FSTL4: variants seen among roughly 807,000 people sequenced by gnomAD.
FSTL4 encodes the protein follistatin-related protein 4.
Under a neutral mutation model 78.2 loss-of-function variants are expected in FSTL4, and 28 were observed. That is an observed-to-expected ratio of 0.36 (90% CI 0.27 to 0.49). The LOEUF (loss-of-function observed/expected upper bound fraction) is 0.49, where lower values mean the gene tolerates loss of function less well. FSTL4 is among the 20% of genes least tolerant of loss of function. The pLI is 0.98. For missense variants in FSTL4, 922 were observed against 1,084.9 expected (o/e 0.85, Z 2.11); for synonymous variants, 422 against 440.5 (o/e 0.96, Z 0.53).
chr5:133,604,419 T>C (rs571266842), intron 1 of FSTL4, among the ~76,000 whole-genome samples: 3 of 152,214 alleles, frequency 2.0e-5, no homozygotes, highest in African/African-American at 7.2e-5. Context: ...CGAGAAACTA[T>C]GATTATGGCT....
chr5:133,485,369 G>A (rs575393894), intron 3 of FSTL4, among the ~76,000 whole-genome samples: 46 of 152,190 alleles, frequency 3.0e-4, no homozygotes, highest in Non-Finnish European at 3.1e-4. Flanking sequence ...AGGTAATGGC[G>A]CAGCTTCCCA....
chr5:133,334,427 A>C (rs1375165141), intron 4 of FSTL4, among the ~76,000 whole-genome samples: 1 of 152,102 alleles, frequency 6.6e-6, no homozygotes, highest in Non-Finnish European at 1.5e-5. Context: ...CTCCTCTTTC[A>C]AAAGGCCACC....
At chr5:133,555,589 G>A (rs1759769553) in intron 3 of FSTL4, among the ~76,000 whole-genome samples, 1 of 152,116 alleles carries the variant, frequency 6.6e-6, no homozygotes, top group Non-Finnish European at 1.5e-5. Flanking sequence ...TTGAATGTAA[G>A]GTATTATTTT....
intron 3 of FSTL4, among the ~76,000 whole-genome samples, chr5:133,406,608 C>T (rs1465472911): frequency 6.6e-6 from 1 of 152,172 alleles, no homozygotes; most frequent in Non-Finnish European, 1.5e-5. Context: ...CCTGTAACGC[C>T]TCATTTATAT....
At chr5:133,303,262 T>C (rs2126879818) in intron 6 of FSTL4, among the ~76,000 whole-genome samples, 1 of 152,286 alleles carries the variant, frequency 6.6e-6, no homozygotes, top group South Asian at 2.1e-4. Context: ...CTCCTTAGCC[T>C]TTGGGGCTAA....
At chr5:133,755,112 A>G in the FSTL4 span, among the ~76,000 whole-genome samples, 2 of 151,650 alleles carry the variant, frequency 1.3e-5, no homozygotes, top group South Asian at 2.1e-4. Context: ...TTCGTTGCCA[A>G]CTCCATGGAA....
chr5:133,784,455 C>G, the FSTL4 span, among the ~76,000 whole-genome samples: 4 of 152,200 alleles, frequency 2.6e-5, no homozygotes, highest in Non-Finnish European at 5.9e-5. Flanking sequence ...TTGAAGAGTA[C>G]TGGTCAGAGA....
chr5:133,251,808 G>A (rs577944820), intron 6 of FSTL4, among the ~76,000 whole-genome samples: 44 of 152,352 alleles, frequency 2.9e-4, no homozygotes, highest in Middle Eastern at 3.4e-3. Context: ...TGGGCTGCCA[G>A]ACCAAGGTCC....
rs141613204 is a variant in FSTL4, at chr5:133,456,899, T to C, written c.161-55913A>G. ...AGGATGCCCCAGGAAACCTGTCTGC[T>C]TCCTACCTCTGGTCCATTTGTGCCC... On this transcript the variant is annotated intron_variant, in intron 3 of 15. Coordinates refer to ENST00000265342, the MANE Select transcript of FSTL4 (RefSeq NM_015082.2). Among the ~76,000 whole-genome samples the C allele has an allele frequency of 2.3e-3, 349 of 152,268 alleles. 2 individuals are homozygous for C. Among genetic ancestry groups the C allele is most frequent in the African/African-American group, 8.0e-3 (332 of 41,552 alleles).
the FSTL4 span, among the ~76,000 whole-genome samples, chr5:133,728,791 A>C: frequency 2.5e-3 from 376 of 151,828 alleles, no homozygotes; most frequent in Non-Finnish European, 4.4e-3. Context: ...ATTGTGAGCA[A>C]TGTATATCAG....
At chr5:133,329,388 A>AAG (rs201632873) in intron 4 of FSTL4, among the ~76,000 whole-genome samples, 38 of 151,708 alleles carry the variant, frequency 2.5e-4, no homozygotes, top group African/African-American at 8.0e-4. Context: ...CAGAACTCAA[A>AAG]AGAGAGAGAG....
chr5:133,710,169 A>T, the FSTL4 span, among the ~76,000 whole-genome samples: 2 of 152,186 alleles, frequency 1.3e-5, no homozygotes, highest in African/African-American at 4.8e-5. Context: ...ATCAGCCATC[A>T]GCCCCCCACA....
intron 4 of FSTL4, among the ~76,000 whole-genome samples, chr5:133,363,186 T>C (rs1038743096): frequency 6.6e-6 from 1 of 152,106 alleles, no homozygotes; most frequent in African/African-American, 2.4e-5. Context: ...AAAAAAAACA[T>C]ACAAACAAAA....
At chr5:133,375,313 A>ATATATATATAT (rs1354744825) in intron 4 of FSTL4, among the ~76,000 whole-genome samples, 1 of 31,058 alleles carries the variant, frequency 3.2e-5, no homozygotes, top group African/African-American at 6.9e-5. Context: ...TATATATATA[A>ATATATATATAT]AAGACTCTAA....
chr5:133,828,665 C>T, the FSTL4 span, among the ~76,000 whole-genome samples: 10,525 of 152,180 alleles, frequency 0.069, 735 homozygotes, highest in African/African-American at 0.18. Context: ...AGGGGGACAC[C>T]GGACTGCTGG....
At chr5:133,353,738 A>G (rs752393534) in intron 4 of FSTL4, among the ~76,000 whole-genome samples, 11 of 152,258 alleles carry the variant, frequency 7.2e-5, no homozygotes, top group Non-Finnish European at 1.0e-4. Context: ...GCACACACAC[A>G]GTTGCCATCT....
At chr5:133,592,178 C>A (rs995583161) in intron 2 of FSTL4, among the ~76,000 whole-genome samples, 3 of 152,304 alleles carry the variant, frequency 2.0e-5, no homozygotes, top group East Asian at 1.9e-4. Context: ...TTCCACCCAG[C>A]GCATTTCTGT....
Position 133,563,367 on chromosome 5 carries a change from T to G in FSTL4, c.160+3819A>C, listed in dbSNP as rs185391864. On this transcript the variant is annotated intron_variant, in intron 3 of 15. Transcript: ENST00000265342. ...ATGTGATGAAGCAAGATCAAGTCAC[T>G]TAAGCAACCACCACCCACTAAAGAG... Among the ~76,000 whole-genome samples the G allele has an allele frequency of 8.5e-5, 13 of 152,252 alleles. 1 individual carries two copies. The highest frequency in any genetic ancestry group is 2.0e-4 in the Admixed American group (3 of 15,300).
At chr5:133,541,569 A>T (rs1388213665) in intron 3 of FSTL4, among the ~76,000 whole-genome samples, 1 of 152,206 alleles carries the variant, frequency 6.6e-6, no homozygotes, top group Non-Finnish European at 1.5e-5. Flanking sequence ...TTGTAAGAAG[A>T]ATATGTGAAA....
Sources: allele counts gnomAD v4.1 joint callset (sites outside exome capture counted in the v4.1 genomes callset), GRCh38; gene constraint gnomAD v4.1.1; transcripts MANE v1.5; gene names NCBI Gene and HGNC (gene_info 2026-07-23, HGNC 2026-07-21).